The following RNF111 variants were observed in gnomAD, a reference collection of about 807,000 sequenced individuals.
The protein encoded by RNF111 is ring finger protein 111, also known as E3 ubiquitin-protein ligase Arkadia.
RNF111 carries 17 observed loss-of-function variants against 95.1 expected under a neutral mutation model. That is an observed-to-expected ratio of 0.18 (90% confidence interval 0.12 to 0.27). The LOEUF is 0.27. RNF111 is among the 10% of genes least tolerant of loss of function. The probability of loss-of-function intolerance (pLI) is 1.00; values close to 1 mark genes in which losing one functional copy is unlikely to be tolerated. For missense variants in RNF111, 1,189 were observed against 1,210.4 expected, an observed-to-expected ratio of 0.98 and a Z score of 0.26; for synonymous variants, 440 against 414.8, an observed-to-expected ratio of 1.06 and a Z score of -0.74.
At chr15:59,088,894 A>T (rs994457049) in intron 10 of RNF111, among the ~76,000 whole-genome samples, 1 of 152,196 alleles carries the variant, frequency 6.6e-6, no homozygotes, top group Non-Finnish European at 1.5e-5. Flanking sequence ...TAGGAACACT[A>T]GACAGCACTT....
At chr15:59,020,845 GTTCT>G (rs2040304109) in intron 1 of RNF111, among the ~76,000 whole-genome samples, 1 of 152,130 alleles carries the variant, frequency 6.6e-6, no homozygotes, top group Non-Finnish European at 1.5e-5. Context: ...AAGAAATTTG[GTTCT>G]TTGTTTCTAT....
At chr15:59,027,821 C>G (rs1161155162) in intron 1 of RNF111, among the ~76,000 whole-genome samples, 1 of 151,092 alleles carries the variant, frequency 6.6e-6, no homozygotes, top group African/African-American at 2.4e-5. Context: ...GCGTGAGCCA[C>G]TGCACCTGGC....
In RNF111 at chr15:59,055,736, T is replaced by G; in HGVS notation, c.1062T>G (p.Ser354=). 1.2e-6 allele frequency: 2 copies of G among 1,613,986 alleles called. No homozygotes were observed. The highest frequency in any genetic ancestry group is 1.7e-6 in the Non-Finnish European group (2 of 1,179,910). ...CTCATTGGAGCCAGGGTTCCAGTTC[T>G]CATGCAAGTCGGCCACAGGAGCCAC... is the stretch of plus-strand genomic sequence containing the variant. ...SRSHWSQGSS[S]HASRPQEPRN... is the part of the protein sequence containing the mutation. Residue 354 remains serine, a synonymous_variant, in exon 4 of 14, where the codon TCT becomes TCG. Transcript: ENST00000348370.
chr15:59,085,739 C>T lies in RNF111; in HGVS notation c.2504C>T (p.Ala835Val). Residue 835 changes from alanine (A) to valine (V), a missense_variant, in exon 10 of 14, where the codon GCA becomes GTA. Coordinates refer to ENST00000348370, the MANE Select transcript of RNF111 (RefSeq NM_017610.8). ...ALHPHLAHYH[A>V]PPRLHHLQLG... is the part of the protein sequence containing the mutation. ...CATCCTCACTTGGCCCATTATCACG[C>T]ACCTCCTCGACTTCATCACTTACAA... 1 of 1,613,594 alleles carries T rather than the reference C, an allele frequency of 6.2e-7. No individual in the cohort carries two copies. Among genetic ancestry groups the T allele is most frequent in the Non-Finnish European group, 8.5e-7 (1 of 1,179,678 alleles).
At chr15:59,005,860 T>C (rs1434482615) in intron 1 of RNF111, among the ~76,000 whole-genome samples, 1 of 152,224 alleles carries the variant, frequency 6.6e-6, no homozygotes, top group Non-Finnish European at 1.5e-5. Context: ...AACAACCCTT[T>C]GTGGTAAATA....
rs182404986 is a variant in RNF111, at chr15:59,005,101, A to G, written c.-20+17033A>G. Among the ~76,000 whole-genome samples the G allele has an allele frequency of 1.8e-3, 277 of 152,332 alleles. 3 individuals carry two copies. The highest frequency in any genetic ancestry group is 0.011 in the Admixed American group (167 of 15,302). ...ATCTAGAGGTGTTCTCCCAAATTCC[A>G]ACTTTCAGTATGCCTATACTGTCAG... On this transcript the variant is annotated intron_variant, in intron 1 of 13. Transcript: ENST00000348370.
In RNF111 at chr15:59,058,358, C is replaced by A. The variant is rs2042286723; in HGVS notation, c.1174C>A (p.Pro392Thr). The change falls in exon 5 of 14, where the codon CCT becomes ACT. Residue 392 changes from proline to threonine, a missense_variant and splice_region_variant. Coordinates refer to ENST00000348370, the MANE Select transcript of RNF111 (RefSeq NM_017610.8). The stretch of plus-strand genomic sequence containing the variant: ...AGTTGACATTTTGTATTTTGTAGAA[C>A]CTACTGTAGTACCAACCACTTCTGC... ...VVDLTVDEDE[P>T]TVVPTTSARM... is the part of the protein sequence containing the mutation. The A allele has an allele frequency of 1.2e-6, 2 of 1,613,274 alleles. No homozygotes were observed. The highest frequency in any genetic ancestry group is 1.7e-5 in the Admixed American group (1 of 60,014).
chr15:59,080,863 A>G (rs1197852991), intron 7 of RNF111, 73 bp from the exon 8 acceptor site: 94 of 1,148,474 alleles, frequency 8.2e-5, no homozygotes, highest in Non-Finnish European at 8.9e-5. Context: ...AAAGTACACT[A>G]GGAATGTATA....
intron 2 of RNF111, among the ~76,000 whole-genome samples, chr15:59,038,215 T>C (rs547435798): frequency 2.0e-5 from 3 of 152,342 alleles, no homozygotes; most frequent in South Asian, 4.1e-4. Context: ...GTGTGAGGTA[T>C]GGCACGCACT....
At chr15:58,993,947 A>G (rs2038931117) in intron 1 of RNF111, among the ~76,000 whole-genome samples, 1 of 151,034 alleles carries the variant, frequency 6.6e-6, no homozygotes, top group Non-Finnish European at 1.5e-5. Flanking sequence ...TGTTGTAGTC[A>G]TTTCCCTTAT....
At chr15:59,010,541 A>G (rs1032369521) in intron 1 of RNF111, among the ~76,000 whole-genome samples, 1 of 152,070 alleles carries the variant, frequency 6.6e-6, no homozygotes, top group Admixed American at 6.6e-5. Context: ...AGCTGGGATT[A>G]CAGGTGCCCA....
intron 2 of RNF111, among the ~76,000 whole-genome samples, chr15:59,041,278 C>G (rs1335655094): frequency 6.6e-6 from 1 of 151,898 alleles, no homozygotes; most frequent in Non-Finnish European, 1.5e-5. Context: ...TTTCTTGACC[C>G]CGTGCAGTGG....
At chr15:59,023,369 A>C (rs1567219587) in intron 1 of RNF111, among the ~76,000 whole-genome samples, 1 of 152,172 alleles carries the variant, frequency 6.6e-6, no homozygotes, top group Admixed American at 6.5e-5. Flanking sequence ...CATTGTTATA[A>C]TTGTTTTCAT....
intron 1 of RNF111, among the ~76,000 whole-genome samples, chr15:58,990,063 C>T (rs539475734): frequency 1.3e-5 from 2 of 152,140 alleles, no homozygotes; most frequent in African/African-American, 2.4e-5. Context: ...CTATGGGTAA[C>T]GTTATCTTAT....
At chr15:59,085,884 T>C (rs1263388346) in intron 10 of RNF111, 99 bp downstream of exon 10, 49 of 1,047,100 alleles carry the variant, frequency 4.7e-5, no homozygotes, top group Non-Finnish European at 5.9e-5. Flanking sequence ...GATGTTTTAA[T>C]AGAATTTGAG....
intron 2 of RNF111, among the ~76,000 whole-genome samples, chr15:59,032,378 C>A (rs537206167): frequency 1.3e-5 from 2 of 152,202 alleles, no homozygotes; most frequent in African/African-American, 4.8e-5. Context: ...TGGATTCAGC[C>A]ATAGTAAGAA....
chr15:59,056,370 T>G (rs1392342159), intron 4 of RNF111, among the ~76,000 whole-genome samples: 1 of 152,178 alleles, frequency 6.6e-6, no homozygotes, highest in African/African-American at 2.4e-5. Context: ...AGAGTTGGAA[T>G]ACAGAGGTTA....
chr15:59,078,131 T>A (rs1284546659), intron 7 of RNF111, among the ~76,000 whole-genome samples: 3 of 152,222 alleles, frequency 2.0e-5, no homozygotes, highest in African/African-American at 7.2e-5. Flanking sequence ...ATTTAATCTC[T>A]CTGTCCTTAC....
At chr15:59,015,375 T>G (rs2040018245) in intron 1 of RNF111, among the ~76,000 whole-genome samples, 3 of 152,162 alleles carry the variant, frequency 2.0e-5, no homozygotes. Context: ...TACAATAGTA[T>G]TGAAATATTT....
Sources: allele counts gnomAD v4.1 joint callset (sites outside exome capture counted in the v4.1 genomes callset), GRCh38; gene constraint gnomAD v4.1.1; transcripts MANE v1.5; gene names NCBI Gene and HGNC (gene_info 2026-07-23, HGNC 2026-07-21).